MYO16: variants seen among roughly 807,000 people sequenced by gnomAD.
MYO16 encodes the protein unconventional myosin-XVI.
A neutral mutation model predicts 205.3 loss-of-function variants in MYO16; 94 were observed. That is an observed-to-expected ratio of 0.46 (90% CI 0.39 to 0.54). The LOEUF (loss-of-function observed/expected upper bound fraction) is 0.54, where lower values mean the gene tolerates loss of function less well. MYO16 is among the 20% of genes least tolerant of loss of function. The pLI is 0.00. For synonymous variants in MYO16, 988 were observed against 954.0 expected, an observed-to-expected ratio of 1.04 and a Z score of -0.66; for missense variants, 2,315 against 2,387.5, an observed-to-expected ratio of 0.97 and a Z score of 0.63.
chr13:108,773,732 A>G (rs550013820), intron 4 of MYO16, among the ~76,000 whole-genome samples: 17 of 152,148 alleles, frequency 1.1e-4, no homozygotes, highest in Non-Finnish European at 2.4e-4. Context: ...TCAAACCATA[A>G]CAGGTACATA....
intron 4 of MYO16, among the ~76,000 whole-genome samples, chr13:108,737,704 C>G (rs1466449351): frequency 1.3e-5 from 2 of 152,068 alleles, no homozygotes; most frequent in East Asian, 1.9e-4. Flanking sequence ...TAGTTTCAGA[C>G]AGAATGGTAC....
intron 28 of MYO16, among the ~76,000 whole-genome samples, chr13:109,115,127 A>C (rs1357793260): frequency 6.6e-6 from 1 of 151,924 alleles, no homozygotes; most frequent in East Asian, 1.9e-4. Context: ...TTTAAAAAAA[A>C]AGAAGTGCTC....
chr13:108,506,612 C>T, the MYO16 span, among the ~76,000 whole-genome samples: 5 of 151,914 alleles, frequency 3.3e-5, no homozygotes, highest in East Asian at 1.9e-4. Context: ...TTTCTACATA[C>T]AGAATTACAT....
At chr13:109,028,976 C>T (rs1196094720) in intron 23 of MYO16, among the ~76,000 whole-genome samples, 2 of 151,644 alleles carry the variant, frequency 1.3e-5, no homozygotes, top group East Asian at 3.9e-4. Flanking sequence ...TGAAATGTTC[C>T]TATTGTTTAG....
At chr13:108,511,434 TC>T in the MYO16 span, among the ~76,000 whole-genome samples, 1 of 19,878 alleles carries the variant, frequency 5.0e-5, no homozygotes, top group Non-Finnish European at 9.0e-5. Flanking sequence ...GCCTGTTCAC[TC>T]TGATGGTAGT....
chr13:108,899,404 C>T (rs1016774630), intron 15 of MYO16, among the ~76,000 whole-genome samples: 12 of 149,728 alleles, frequency 8.0e-5, no homozygotes, highest in African/African-American at 1.7e-4. Context: ...GCCTGGGCAA[C>T]GAGAGCCAAA....
chr13:108,702,523 G>T (rs759776914), intron 2 of MYO16, among the ~76,000 whole-genome samples: 37 of 152,068 alleles, frequency 2.4e-4, no homozygotes, highest in Non-Finnish European at 4.6e-4. Context: ...TTACTAACAG[G>T]TCTGCCCTTC....
At chr13:109,041,239 A>G (rs937363717) in intron 23 of MYO16, among the ~76,000 whole-genome samples, 3 of 152,210 alleles carry the variant, frequency 2.0e-5, no homozygotes, top group African/African-American at 7.2e-5. Flanking sequence ...TCATGTTTAT[A>G]GATTTGAAGA....
chr13:108,665,937 A>G lies in MYO16; in HGVS notation c.80A>G (p.Gln27Arg). 6.2e-7 allele frequency: 1 copy of G among 1,614,112 alleles called. No individual in the cohort carries two copies. The highest frequency in any genetic ancestry group is 8.5e-7 in the Non-Finnish European group (1 of 1,179,962). The part of the protein sequence containing the change: ...VFRSHEMEID[Q>R]CLLESLPLGQ... The stretch of plus-strand genomic sequence containing the variant: ...CGATCCCATGAGATGGAAATCGACC[A>G]GTGCTTGCTAGAGTCCCTTCCCCTT... The change falls in exon 2 of 35, where the codon CAG becomes CGG. Residue 27 changes from glutamine to arginine, a missense_variant. Gln to Arg is a conservative substitution (Grantham distance 43). This residue lies in a region of MYO16 where 1,213 missense variants were observed against 1,274.4 expected (regional missense o/e 0.95). Coordinates refer to ENST00000457511, the MANE Select transcript of MYO16 (RefSeq NM_001198950.3).
At chr13:108,867,968 C>G (rs1878803390) in intron 12 of MYO16, among the ~76,000 whole-genome samples, 1 of 151,938 alleles carries the variant, frequency 6.6e-6, no homozygotes, top group South Asian at 2.1e-4. Context: ...GTAGATTCAC[C>G]CATGTTTTTG....
chr13:109,013,384 G>T (rs1402885950), intron 22 of MYO16, among the ~76,000 whole-genome samples: 1 of 152,034 alleles, frequency 6.6e-6, no homozygotes, highest in Non-Finnish European at 1.5e-5. Flanking sequence ...CATTTGGGTT[G>T]GTTCCAAGTC....
At chr13:109,144,054 G>A (rs551822956) in intron 32 of MYO16, among the ~76,000 whole-genome samples, 5 of 135,266 alleles carry the variant, frequency 3.7e-5, no homozygotes, top group Non-Finnish European at 7.9e-5. Flanking sequence ...ACGGAGTTTT[G>A]CTCTTGTTGG....
chr13:109,110,045 A>T (rs1889237672), intron 28 of MYO16, among the ~76,000 whole-genome samples: 1 of 152,250 alleles, frequency 6.6e-6, no homozygotes, highest in African/African-American at 2.4e-5. Flanking sequence ...CACCCCAGGG[A>T]GTGCCAAAGG....
chr13:108,580,773 A>G, the MYO16 span, among the ~76,000 whole-genome samples: 5 of 152,234 alleles, frequency 3.3e-5, no homozygotes, highest in African/African-American at 1.2e-4. Context: ...TCACTCACAC[A>G]GTTCAGAGTA....
At chr13:108,954,188 A>C (rs971297086) in intron 16 of MYO16, among the ~76,000 whole-genome samples, 3 of 152,356 alleles carry the variant, frequency 2.0e-5, no homozygotes, top group Middle Eastern at 3.4e-3. Context: ...GAAATACTTA[A>C]GCTAGCTGGT....
At chr13:109,015,992 T>C (rs528668081) in intron 22 of MYO16, among the ~76,000 whole-genome samples, 2 of 152,322 alleles carry the variant, frequency 1.3e-5, no homozygotes, top group South Asian at 4.1e-4. Context: ...AGTTATTTCT[T>C]GCCTTCTGAT....
At chr13:108,821,445 A>G (rs1875965960) in intron 8 of MYO16, among the ~76,000 whole-genome samples, 1 of 152,228 alleles carries the variant, frequency 6.6e-6, no homozygotes, top group Admixed American at 6.5e-5. Context: ...TAATCTTAAC[A>G]TTAACTATAT....
chr13:109,026,201 C>G (rs1373027161), intron 23 of MYO16, among the ~76,000 whole-genome samples: 4 of 152,080 alleles, frequency 2.6e-5, no homozygotes, highest in African/African-American at 7.2e-5. Context: ...TTCATGGAGA[C>G]TGTGAATATG....
chr13:108,987,894 T>C (rs1884692427), intron 20 of MYO16, among the ~76,000 whole-genome samples: 1 of 152,242 alleles, frequency 6.6e-6, no homozygotes, highest in Non-Finnish European at 1.5e-5. Flanking sequence ...ATTCAGTCCT[T>C]TCTCCACTCT....
Sources: allele counts gnomAD v4.1 joint callset (sites outside exome capture counted in the v4.1 genomes callset), GRCh38; gene constraint gnomAD v4.1.1; regional missense constraint gnomAD v4.1.1; transcripts MANE v1.5; gene names NCBI Gene and HGNC (gene_info 2026-07-23, HGNC 2026-07-21).